Variants in VAV3 observed in about 807,000 individuals in gnomAD.
The protein encoded by VAV3 is guanine nucleotide exchange factor VAV3.
In VAV3, 94 loss-of-function variants were observed where a neutral mutation model predicts 131.2. The ratio of observed to expected loss-of-function variants is 0.72; its 90% CI spans 0.61 to 0.85. The LOEUF is 0.85. Among genes scored for constraint, VAV3 ranks in the 40% least tolerant of loss-of-function variants. The pLI is 0.00. For synonymous variants in VAV3, 349 were observed against 342.0 expected, an observed-to-expected ratio of 1.02 and a Z score of -0.22; for missense variants, 939 against 1,002.7, an observed-to-expected ratio of 0.94 and a Z score of 0.86.
intron 15 of VAV3, among the ~76,000 whole-genome samples, chr1:107,719,991 T>C (rs969625371): frequency 1.3e-5 from 2 of 152,014 alleles, no homozygotes; most frequent in Admixed American, 6.6e-5. Flanking sequence ...TTCTCACTCA[T>C]CAGTAGGAAT....
chr1:107,804,711 T>C (rs1406587407), intron 2 of VAV3, among the ~76,000 whole-genome samples: 5 of 152,220 alleles, frequency 3.3e-5, no homozygotes, highest in African/African-American at 1.2e-4. Context: ...TCTGGGGCTG[T>C]ATCCGAACTT....
chr1:107,903,796 G>T (rs913532701), intron 1 of VAV3, among the ~76,000 whole-genome samples: 4 of 152,106 alleles, frequency 2.6e-5, no homozygotes, highest in African/African-American at 9.7e-5. Flanking sequence ...TCTGAGAACT[G>T]ACACCTCCAT....
At chr1:107,856,145 T>A (rs1456760246) in intron 2 of VAV3, among the ~76,000 whole-genome samples, 1 of 152,154 alleles carries the variant, frequency 6.6e-6, no homozygotes, top group Non-Finnish European at 1.5e-5. Context: ...AAGCCTATGG[T>A]CAGCAGCAGG....
chr1:107,888,616 G>A (rs1005390097), intron 1 of VAV3, among the ~76,000 whole-genome samples: 1 of 151,978 alleles, frequency 6.6e-6, no homozygotes. Context: ...CCGCCAACAC[G>A]CCTGGCTAAT....
intron 21 of VAV3, among the ~76,000 whole-genome samples, chr1:107,611,100 T>A (rs926931199): frequency 1.3e-4 from 20 of 152,166 alleles, no homozygotes; most frequent in Admixed American, 1.2e-3. Flanking sequence ...TTTAAAAAAA[T>A]TAGAATATTT....
intron 1 of VAV3, among the ~76,000 whole-genome samples, chr1:107,875,284 C>G (rs969672025): frequency 6.6e-6 from 1 of 152,036 alleles, no homozygotes; most frequent in Non-Finnish European, 1.5e-5. Context: ...GCAACAAACA[C>G]AAATAAGCAA....
intron 25 of VAV3, among the ~76,000 whole-genome samples, chr1:107,595,182 G>A (rs1014435696): frequency 2.0e-4 from 31 of 152,118 alleles, no homozygotes; most frequent in African/African-American, 6.3e-4. Flanking sequence ...TTCATTGCAC[G>A]AGCTTAGGCA....
chr1:107,689,669 A>G (rs1187152881), intron 17 of VAV3, among the ~76,000 whole-genome samples: 1 of 152,178 alleles, frequency 6.6e-6, no homozygotes, highest in Admixed American at 6.5e-5. Context: ...ACTGCCTTCT[A>G]TGAAGGCATC....
At chr1:107,742,915 A>T (rs1489910935) in intron 15 of VAV3, among the ~76,000 whole-genome samples, 1 of 152,218 alleles carries the variant, frequency 6.6e-6, no homozygotes, top group Non-Finnish European at 1.5e-5. Flanking sequence ...AGGGGTCAGG[A>T]GAGATCTCCC....
intron 2 of VAV3, among the ~76,000 whole-genome samples, chr1:107,783,417 G>A (rs1665806003): frequency 6.6e-6 from 1 of 152,168 alleles, no homozygotes; most frequent in Non-Finnish European, 1.5e-5. Context: ...TAGTGGAAAT[G>A]GGAGGAGTGT....
At chr1:107,724,024 G>A (rs1661680885) in intron 15 of VAV3, among the ~76,000 whole-genome samples, 1 of 151,966 alleles carries the variant, frequency 6.6e-6, no homozygotes, top group Non-Finnish European at 1.5e-5. Flanking sequence ...GGCTCGTGAA[G>A]CGACTAACAG....
chr1:107,954,384 C>T (rs1309432093), intron 1 of VAV3, among the ~76,000 whole-genome samples: 1 of 152,166 alleles, frequency 6.6e-6, no homozygotes, highest in Non-Finnish European at 1.5e-5. Context: ...GCTACACTCA[C>T]TTTCTCTCTT....
intron 2 of VAV3, among the ~76,000 whole-genome samples, chr1:107,825,455 G>C (rs757940596): frequency 2.0e-5 from 3 of 150,786 alleles, no homozygotes; most frequent in East Asian, 1.9e-4. Flanking sequence ...GTACCCTCGC[G>C]GGAAAAAAAA....
At chr1:107,575,286 AG>A (rs1438643706) in intron 25 of VAV3, among the ~76,000 whole-genome samples, 1 of 152,184 alleles carries the variant, frequency 6.6e-6, no homozygotes, top group East Asian at 1.9e-4. Context: ...CTTAAGTGTA[AG>A]AAAAAGAGAC....
intron 17 of VAV3, among the ~76,000 whole-genome samples, chr1:107,696,201 A>G (rs1659735643): frequency 6.6e-6 from 1 of 152,212 alleles, no homozygotes; most frequent in Non-Finnish European, 1.5e-5. Flanking sequence ...TTTATGGGGT[A>G]CAGTGTGATA....
chr1:107,788,823 T>C (rs1262630402), intron 2 of VAV3, among the ~76,000 whole-genome samples: 1 of 152,262 alleles, frequency 6.6e-6, no homozygotes, highest in Admixed American at 6.5e-5. Context: ...AATGTAATCA[T>C]ATTTGCAAAT....
At chr1:107,803,039 GT>G (rs1414094690) in intron 2 of VAV3, among the ~76,000 whole-genome samples, 1 of 151,828 alleles carries the variant, frequency 6.6e-6, no homozygotes. Flanking sequence ...GTTTGCTGAA[GT>G]TTTCTATTTC....
intron 1 of VAV3, among the ~76,000 whole-genome samples, chr1:107,960,006 C>T (rs1227249857): frequency 6.6e-6 from 1 of 152,190 alleles, no homozygotes; most frequent in Non-Finnish European, 1.5e-5. Context: ...CCCCTGCTGG[C>T]TCCATCTTCA....
intron 2 of VAV3, among the ~76,000 whole-genome samples, chr1:107,848,287 T>C (rs897819373): frequency 1.5e-5 from 2 of 132,006 alleles, no homozygotes; most frequent in African/African-American, 5.8e-5. Context: ...CACTCCAACC[T>C]GGGCAACAGA....
Sources: allele counts gnomAD v4.1 joint callset (sites outside exome capture counted in the v4.1 genomes callset), GRCh38; gene constraint gnomAD v4.1.1; transcripts MANE v1.5; gene names NCBI Gene and HGNC (gene_info 2026-07-23, HGNC 2026-07-21).